Variants in DMXL1 observed in about 807,000 individuals in gnomAD.
The protein encoded by DMXL1 is dmX-like protein 1.
A neutral mutation model predicts 319.2 loss-of-function variants in DMXL1; 99 were observed. That is an observed-to-expected ratio of 0.31 (90% CI 0.26 to 0.37). The LOEUF (loss-of-function observed/expected upper bound fraction) is 0.37. Among genes scored for constraint, DMXL1 ranks in the 10% least tolerant of loss-of-function variants. The pLI is 1.00. For missense variants in DMXL1, 3,745 were observed against 3,595.6 expected (o/e 1.04, Z -1.06); for synonymous variants, 1,385 against 1,235.2 (o/e 1.12, Z -2.54).
intron 31 of DMXL1, among the ~76,000 whole-genome samples, chr5:119,197,495 C>T (rs1779847668): frequency 6.6e-6 from 1 of 152,142 alleles, no homozygotes; most frequent in African/African-American, 2.4e-5. Flanking sequence ...TCTTCAGATA[C>T]ATTTTTCTGG....
chr5:119,202,898 T>TAA (rs1781061670), intron 32 of DMXL1, among the ~76,000 whole-genome samples: 1 of 144,794 alleles, frequency 6.9e-6, no homozygotes, highest in Non-Finnish European at 1.5e-5. Context: ...TATATATATA[T>TAA]ATATATATTT....
chr5:119,071,477 G>GGCC lies in DMXL1; in HGVS notation c.-86_-84dup, dbSNP rs1749542941. The GGCC allele has an allele frequency of 2.2e-5, 29 of 1,302,182 alleles. No homozygotes were observed. In the South Asian group the frequency reaches 3.4e-4, roughly 15 times the overall value. 80.7% of individuals were successfully genotyped at this position (1,302,182 alleles called of 1,614,324 possible). On this transcript the variant is annotated 5_prime_UTR_variant, in exon 1 of 44. Transcript: ENST00000539542. ...GCTTCTGCCGTCGCCACCGAAGAGC[G>GGCC]GCCGCCGCCCCTGAGGGAAGGAGGG...
At chr5:119,097,304 C>T (rs953337481) in intron 1 of DMXL1, among the ~76,000 whole-genome samples, 5 of 152,128 alleles carry the variant, frequency 3.3e-5, no homozygotes. Context: ...AAACATTCTT[C>T]AAATATCACT....
Position 119,167,696 on chromosome 5 carries a change from A to C in DMXL1, c.5230A>C (p.Ile1744Leu). The C allele has an allele frequency of 4.3e-6, 7 of 1,613,428 alleles. No individual in the cohort carries two copies. Among genetic ancestry groups the C allele is most frequent in the Non-Finnish European group, 5.9e-6 (7 of 1,179,614 alleles). Residue 1744 changes from isoleucine (I) to leucine (L), a missense_variant, in exon 23 of 44, where the codon ATT becomes CTT. This residue lies in a region of DMXL1 where 1,382 missense variants were observed against 1,269.5 expected (regional missense o/e 1.09). Transcript: ENST00000539542. Reference sequence around the variant, plus strand: ...TGATACATCTGCAGCATATAAATCTATTTTACGTAAAAAAGTTTTGGGAAT... The same window carrying C: ...TGATACATCTGCAGCATATAAATCTCTTTTACGTAAAAAAGTTTTGGGAAT... Reference protein sequence around the residue: ...EFDTSAAYKSILRKKVLGIDS... With the variant: ...EFDTSAAYKSLLRKKVLGIDS...
At chr5:119,122,406 A>C (rs1401505411) in intron 9 of DMXL1, among the ~76,000 whole-genome samples, 15 of 116,730 alleles carry the variant, frequency 1.3e-4, no homozygotes, top group Admixed American at 2.6e-4. Context: ...GGCGCCCCTC[A>C]CCTCCCGGAT....
At position 119,113,904 on chromosome 5, in the gene DMXL1, A is replaced by G. The variant is rs181323457; in HGVS notation, c.498-571A>G. Among the ~76,000 whole-genome samples, 161 of 152,352 alleles carry G rather than the reference A, an allele frequency of 1.1e-3. 1 individual carries two copies. Among genetic ancestry groups the G allele is most frequent in the African/African-American group, 3.8e-3 (156 of 41,584 alleles). ...TTGAGCAAAGAAAAGGAAAGCAGTGATAGTGGTGAGTGTCTTGAGATCAGT... is the reference window on the plus strand; with the variant it reads ...TTGAGCAAAGAAAAGGAAAGCAGTGGTAGTGGTGAGTGTCTTGAGATCAGT... On this transcript the variant is annotated intron_variant, in intron 5 of 43. Transcript: ENST00000539542.
chr5:119,180,239 TA>T (rs1198345916), intron 28 of DMXL1, among the ~76,000 whole-genome samples: 1 of 152,194 alleles, frequency 6.6e-6, no homozygotes, highest in East Asian at 1.9e-4. Flanking sequence ...GTATTTGACC[TA>T]ACCACAAATT....
At chr5:119,125,927 A>C (rs1293084690) in intron 9 of DMXL1, among the ~76,000 whole-genome samples, 2 of 152,168 alleles carry the variant, frequency 1.3e-5, no homozygotes, top group African/African-American at 4.8e-5. Context: ...TATGTACTGT[A>C]AGCATATAGG....
chr5:119,204,123 GA>G (rs1781335496), intron 33 of DMXL1, among the ~76,000 whole-genome samples: 1 of 151,700 alleles, frequency 6.6e-6, no homozygotes, highest in Non-Finnish European at 1.5e-5. Flanking sequence ...CGCCCGGCCT[GA>G]AAAATTTTTA....
At chr5:119,081,667 C>T in intron 1 of DMXL1, 4 of 985,326 alleles carry the variant, frequency 4.1e-6, no homozygotes, top group Non-Finnish European at 4.8e-6. Flanking sequence ...AGATTGAAGA[C>T]CAACTTAGAC....
chr5:119,238,812 A>G, intron 40 of DMXL1, 177 bp from the exon 41 acceptor site: 1 of 869,114 alleles, frequency 1.2e-6, no homozygotes, highest in Non-Finnish European at 1.4e-6. Context: ...TCTGGGTAAA[A>G]GGTATATGAA....
intron 1 of DMXL1, among the ~76,000 whole-genome samples, chr5:119,095,052 G>A (rs1429815275): frequency 6.6e-6 from 1 of 152,034 alleles, no homozygotes; most frequent in African/African-American, 2.4e-5. Flanking sequence ...AGCTGGTTTT[G>A]CCATGTTGCC....
At chr5:119,193,695 G>A in intron 29 of DMXL1, 133 bp from the exon 30 acceptor site, 1 of 882,292 alleles carries the variant, frequency 1.1e-6, no homozygotes, top group Non-Finnish European at 1.7e-6. Flanking sequence ...GCATAGGATG[G>A]TAAGATAATA....
chr5:119,145,372 A>G (rs1580999608), intron 15 of DMXL1, among the ~76,000 whole-genome samples: 1 of 151,690 alleles, frequency 6.6e-6, no homozygotes, highest in African/African-American at 2.4e-5. Flanking sequence ...TTATGTTGAC[A>G]TCTAATTTCT....
chr5:119,152,426 C>G (rs1414941925), intron 19 of DMXL1, among the ~76,000 whole-genome samples: 3 of 151,992 alleles, frequency 2.0e-5, no homozygotes, highest in South Asian at 4.2e-4. Context: ...ATAATACATT[C>G]TCAAATTTTA....
intron 33 of DMXL1, among the ~76,000 whole-genome samples, chr5:119,204,911 T>C (rs1781489693): frequency 6.6e-6 from 1 of 152,188 alleles, no homozygotes; most frequent in African/African-American, 2.4e-5. Flanking sequence ...ATCTAACCTT[T>C]CTACCTTAAA....
intron 39 of DMXL1, among the ~76,000 whole-genome samples, chr5:119,235,840 GCATCCAAACTAT>G (rs1339100420): frequency 1.3e-5 from 2 of 152,026 alleles, no homozygotes; most frequent in Non-Finnish European, 2.9e-5. Flanking sequence ...GAGTCGATGT[GCATCCAAACTAT>G]CATTCAAATT....
Position 119,149,762 on chromosome 5 carries a change from T to C in DMXL1, c.3935T>C (p.Phe1312Ser), listed in dbSNP as rs1769363359. The change falls in exon 18 of 44, where the codon TTT becomes TCT. Residue 1312 changes from phenylalanine (F) to serine (S), a missense_variant. Coordinates refer to ENST00000539542, the MANE Select transcript of DMXL1 (RefSeq NM_001290321.3). The part of the protein sequence containing the change: ...PSVDMEDSGL[F>S]EAAHVLSPTL... ...GTGGATATGGAAGATTCAGGTCTTTTTGAAGCAGCTCATGTACTTTCCCCG... is the reference window on the plus strand; with the variant it reads ...GTGGATATGGAAGATTCAGGTCTTTCTGAAGCAGCTCATGTACTTTCCCCG... 1.9e-6 allele frequency: 3 copies of C among 1,613,970 alleles called. No individual in the cohort carries two copies. Among genetic ancestry groups the C allele is most frequent in the Non-Finnish European group, 2.5e-6 (3 of 1,179,922 alleles).
chr5:119,220,465 T>A lies in DMXL1; in HGVS notation c.8014-7T>A, dbSNP rs374255266. 78 of 1,611,400 alleles carry A rather than the reference T, an allele frequency of 4.8e-5. No individual in the cohort carries two copies. The highest frequency in any genetic ancestry group is 6.4e-5 in the Non-Finnish European group (76 of 1,179,208). ...CTTTTAAAATTACCATTTGACTTATTTTTCAGGCAAATAGAAACTGCATAG... is the reference window on the plus strand; with the variant it reads ...CTTTTAAAATTACCATTTGACTTATATTTCAGGCAAATAGAAACTGCATAG... On this transcript the variant is annotated splice_region_variant and splice_polypyrimidine_tract_variant and intron_variant, in intron 35 of 43. Coordinates refer to ENST00000539542, the MANE Select transcript of DMXL1 (RefSeq NM_001290321.3).
Sources: allele counts gnomAD v4.1 joint callset (sites outside exome capture counted in the v4.1 genomes callset), GRCh38; gene constraint gnomAD v4.1.1; regional missense constraint gnomAD v4.1.1; transcripts MANE v1.5; gene names NCBI Gene and HGNC (gene_info 2026-07-23, HGNC 2026-07-21).